The following SV2B variants were observed in gnomAD, a reference collection of about 807,000 sequenced individuals.
SV2B encodes synaptic vesicle glycoprotein 2B.
A neutral mutation model predicts 73.9 loss-of-function variants in SV2B; 41 were observed. The ratio of observed to expected loss-of-function variants is 0.56; its 90% CI spans 0.43 to 0.72. The LOEUF (loss-of-function observed/expected upper bound fraction) is 0.72, where lower values mean the gene tolerates loss of function less well. SV2B is among the 30% of genes least tolerant of loss of function. SV2B has a pLI of 0.00. For missense variants in SV2B, 764 were observed against 857.8 expected (o/e 0.89, Z 1.37); for synonymous variants, 314 against 314.2 (o/e 1.00, Z 0.01).
chr15:91,169,129 T>C (rs1230661738), intron 1 of SV2B, among the ~76,000 whole-genome samples: 1 of 152,232 alleles, frequency 6.6e-6, no homozygotes, highest in East Asian at 1.9e-4. Flanking sequence ...TAATAATCAC[T>C]GTCATCTCAT....
chr15:91,238,966 C>G (rs1348011627), intron 2 of SV2B, among the ~76,000 whole-genome samples: 1 of 152,202 alleles, frequency 6.6e-6, no homozygotes, highest in African/African-American at 2.4e-5. Context: ...TGTAAAATTC[C>G]TCTTTATTTT....
rs771393723 is a variant in SV2B at position 91,267,534 on chromosome 15, C to A, written c.1120-21C>A. 1.3e-5 allele frequency: 20 copies of A among 1,599,812 alleles called. No individual in the cohort carries two copies. Among genetic ancestry groups the A allele is most frequent in the Non-Finnish European group, 1.7e-6 (2 of 1,168,424 alleles). On this transcript the variant is annotated intron_variant, in intron 7 of 12. Transcript: ENST00000394232. The surrounding 1 kb of genome is among the most constrained non-coding windows in gnomAD (Gnocchi z 4.3). ...TCACACATTGCTTTCTTTAACAATC[C>A]TTCTCTGGTATGGGTTGTAGGTCTG...
At chr15:91,113,921 C>A (rs2042105113) in intron 1 of SV2B, among the ~76,000 whole-genome samples, 1 of 152,084 alleles carries the variant, frequency 6.6e-6, no homozygotes. Context: ...ATAATAGGTG[C>A]CTTCCCACTG....
Position 91,258,738 on chromosome 15 carries a change from A to T in SV2B, c.918+184A>T, listed in dbSNP as rs895514241. On this transcript the variant is annotated intron_variant, in intron 5 of 12. Transcript: ENST00000394232. The surrounding 1 kb of genome is among the most constrained non-coding windows in gnomAD (Gnocchi z 4.7). ...CTGCCGGCTGTGATGGTGGCAGGTC[A>T]TGGATTCACGGACTGCAAATGCTGG... is the stretch of plus-strand genomic sequence containing the variant. Among the ~76,000 whole-genome samples the T allele has an allele frequency of 1.3e-5, 2 of 152,122 alleles. No homozygotes were observed. Among genetic ancestry groups the T allele is most frequent in the African/African-American group, 2.4e-5 (1 of 41,414 alleles).
At chr15:91,114,076 C>T (rs1488084936) in intron 1 of SV2B, among the ~76,000 whole-genome samples, 2 of 147,344 alleles carry the variant, frequency 1.4e-5, no homozygotes, top group African/African-American at 2.5e-5. Flanking sequence ...CCCAGCTACT[C>T]GGGAGGCTGA....
intron 9 of SV2B, among the ~76,000 whole-genome samples, chr15:91,272,828 CTT>C (rs869274294): frequency 0.019 from 1,800 of 92,778 alleles, 43 homozygotes; most frequent in African/African-American, 0.075. Context: ...GCATATTCGT[CTT>C]TTTTTTTTTT....
intron 7 of SV2B, 176 bp downstream of exon 7, chr15:91,266,868 T>G (rs1240467355): frequency 4.0e-6 from 2 of 505,840 alleles, no homozygotes; most frequent in Non-Finnish European, 7.0e-6. Context: ...TAGCTTGCTG[T>G]GTGCCCTGGA....
rs2046170723 is a variant in SV2B at position 91,220,282 on chromosome 15, T to C, written c.-391-5591T>C. 6.6e-6 allele frequency among the ~76,000 whole-genome samples: 1 copy of C among 152,230 alleles called. No individual in the cohort carries two copies. The highest frequency in any genetic ancestry group is 2.1e-4 in the South Asian group (1 of 4,832). On this transcript the variant is annotated intron_variant, in intron 1 of 12. Coordinates refer to ENST00000394232, the MANE Select transcript of SV2B (RefSeq NM_001323032.3). This position sits in a 1 kb window ranked among gnomAD's most constrained non-coding sequence, Gnocchi z 4.1. ...CCAACACTTGCTATTGTCTGTCTGT[T>C]GATTAGAGCTATTCTAATGGATGTG... is the stretch of plus-strand genomic sequence containing the variant.
rs774817143 is a variant in SV2B, at chr15:91,118,541, G to A, written c.-392+18178G>A. Among the ~76,000 whole-genome samples, 59 of 152,232 alleles carry A rather than the reference G, an allele frequency of 3.9e-4. No individual in the cohort carries two copies. Among genetic ancestry groups the A allele is most frequent in the Non-Finnish European group, 7.2e-4 (49 of 68,042 alleles). On this transcript the variant is annotated intron_variant, in intron 1 of 12. Coordinates refer to ENST00000394232, the MANE Select transcript of SV2B (RefSeq NM_001323032.3). This position sits in a 1 kb window ranked among gnomAD's most constrained non-coding sequence, Gnocchi z 4.7. ...GAGCAGGAGCCCCAGGGCTGTCCAG[G>A]CTCAATCACAAAAGGAGGAAATCTG...
intron 1 of SV2B, among the ~76,000 whole-genome samples, chr15:91,207,523 A>G (rs1410360546): frequency 1.3e-5 from 2 of 152,268 alleles, no homozygotes; most frequent in Non-Finnish European, 1.5e-5. Context: ...CCAAGGGTCA[A>G]TTTATCGGGG....
intron 9 of SV2B, among the ~76,000 whole-genome samples, chr15:91,269,143 C>T (rs1029883566): frequency 6.6e-6 from 1 of 151,946 alleles, no homozygotes; most frequent in Non-Finnish European, 1.5e-5. Flanking sequence ...TAGAAAAGTC[C>T]TGTTCACAGC....
intron 1 of SV2B, among the ~76,000 whole-genome samples, chr15:91,212,875 T>C (rs2045912856): frequency 6.6e-6 from 1 of 151,724 alleles, no homozygotes; most frequent in African/African-American, 2.4e-5. Flanking sequence ...GCACGGTGGC[T>C]CATGTCTGTA....
chr15:91,201,786 T>A (rs989348095), intron 1 of SV2B, among the ~76,000 whole-genome samples: 1 of 152,192 alleles, frequency 6.6e-6, no homozygotes, highest in Non-Finnish European at 1.5e-5. Context: ...TCTGACAGTT[T>A]CCACCACTCC....
intron 1 of SV2B, among the ~76,000 whole-genome samples, chr15:91,166,734 T>A (rs1436335609): frequency 6.6e-6 from 1 of 152,096 alleles, no homozygotes; most frequent in Non-Finnish European, 1.5e-5. Flanking sequence ...TGTTTATTCC[T>A]CTGTTGAATC....
intron 2 of SV2B, among the ~76,000 whole-genome samples, chr15:91,237,702 T>C (rs1281524092): frequency 1.3e-5 from 2 of 152,106 alleles, no homozygotes; most frequent in African/African-American, 2.4e-5. Flanking sequence ...TGTGTATCAG[T>C]AGGAGCTGCT....
intron 1 of SV2B, among the ~76,000 whole-genome samples, chr15:91,154,486 C>T (rs1348616786): frequency 1.3e-5 from 2 of 152,132 alleles, no homozygotes; most frequent in Non-Finnish European, 2.9e-5. Flanking sequence ...AAGCCTGGAC[C>T]CCACTTGGCT....
chr15:91,183,687 C>T (rs1021049418), intron 1 of SV2B, among the ~76,000 whole-genome samples: 1 of 152,152 alleles, frequency 6.6e-6, no homozygotes, highest in South Asian at 2.1e-4. Flanking sequence ...TTTGCCCAGG[C>T]ATTCATCAAG....
In SV2B at chr15:91,265,635, A is replaced by C. The variant is rs2048073166; in HGVS notation, c.1009-947A>C. 6.6e-6 allele frequency among the ~76,000 whole-genome samples: 1 copy of C among 152,196 alleles called. No homozygotes were observed. Among genetic ancestry groups the C allele is most frequent in the South Asian group, 2.1e-4 (1 of 4,838 alleles). On this transcript the variant is annotated intron_variant, in intron 6 of 12. Transcript: ENST00000394232. The surrounding 1 kb of genome is among the most constrained non-coding windows in gnomAD (Gnocchi z 4.2). ...TCCATGAAGGTACTGAATAGCTTGAAGCCCAGCTGCAGCCAAGAGTTCAGC... is the reference window on the plus strand; with the variant it reads ...TCCATGAAGGTACTGAATAGCTTGACGCCCAGCTGCAGCCAAGAGTTCAGC...
At chr15:91,187,742 G>C (rs938787773) in intron 1 of SV2B, among the ~76,000 whole-genome samples, 1 of 151,600 alleles carries the variant, frequency 6.6e-6, no homozygotes, top group Non-Finnish European at 1.5e-5. Flanking sequence ...TTTTTATTGA[G>C]TTAAATCATA....
Sources: gnomAD v4.1 joint callset for allele counts (sites outside exome capture counted in the v4.1 genomes callset) on GRCh38, gnomAD v4.1.1 for gene constraint, Gnocchi (gnomAD v3.1) non-coding constraint, MANE v1.5 for transcripts, NCBI Gene and HGNC (gene_info 2026-07-23, HGNC 2026-07-21) for gene names.